The following CHST11 variants were observed in gnomAD, a reference collection of about 807,000 sequenced individuals.
The protein encoded by CHST11 is C4S-1.
A neutral mutation model predicts 30.4 loss-of-function variants in CHST11; 9 were observed. The ratio of observed to expected loss-of-function variants is 0.30; its 90% CI spans 0.18 to 0.52. The LOEUF (loss-of-function observed/expected upper bound fraction) is 0.52, where lower values mean the gene tolerates loss of function less well. CHST11 is among the 20% of genes least tolerant of loss of function. The pLI, the probability that CHST11 is intolerant of heterozygous loss-of-function variation, is 0.97. For synonymous variants in CHST11, 152 were observed against 187.8 expected (o/e 0.81, Z 1.56); for missense variants, 348 against 460.6 (o/e 0.76, Z 2.24).
chr12:104,739,123 C>G (rs1305137078), intron 2 of CHST11, among the ~76,000 whole-genome samples: 1 of 152,192 alleles, frequency 6.6e-6, no homozygotes, highest in Non-Finnish European at 1.5e-5. Flanking sequence ...CGGTGTGTGC[C>G]AGAGGAGCCC....
At chr12:104,632,462 A>G (rs2039279937) in intron 2 of CHST11, among the ~76,000 whole-genome samples, 1 of 152,204 alleles carries the variant, frequency 6.6e-6, no homozygotes, top group African/African-American at 2.4e-5. Flanking sequence ...TGCTAGATAC[A>G]AGAGGAGCCT....
intron 1 of CHST11, among the ~76,000 whole-genome samples, chr12:104,598,129 C>T (rs1303395085): frequency 2.6e-5 from 4 of 152,222 alleles, no homozygotes; most frequent in African/African-American, 9.7e-5. Context: ...TCAAACTTCC[C>T]TAATGCCACT....
intron 1 of CHST11, among the ~76,000 whole-genome samples, chr12:104,475,660 A>T (rs74241087): frequency 0.023 from 1,181 of 52,384 alleles, 36 homozygotes; most frequent in African/African-American, 0.1. Flanking sequence ...AAGCAGCATT[A>T]TATATATATA....
At chr12:104,679,551 T>G (rs994762003) in intron 2 of CHST11, among the ~76,000 whole-genome samples, 1 of 152,094 alleles carries the variant, frequency 6.6e-6, no homozygotes. Context: ...AGAGCCCTCA[T>G]GCGAAGTCAT....
intron 2 of CHST11, among the ~76,000 whole-genome samples, chr12:104,703,755 T>A (rs903251): frequency 0.087 from 13,197 of 152,292 alleles, 670 homozygotes; most frequent in Middle Eastern, 0.16. Context: ...ACCAGGCACA[T>A]GCTAAGCACA....
At chr12:104,640,856 C>T (rs1454242869) in intron 2 of CHST11, among the ~76,000 whole-genome samples, 1 of 152,158 alleles carries the variant, frequency 6.6e-6, no homozygotes, top group African/African-American at 2.4e-5. Flanking sequence ...AGCGAGGTCC[C>T]TACCCTCAAG....
chr12:104,733,888 G>A (rs1325997717), intron 2 of CHST11, among the ~76,000 whole-genome samples: 1 of 152,188 alleles, frequency 6.6e-6, no homozygotes, highest in Non-Finnish European at 1.5e-5. Context: ...AAAAGCCAGC[G>A]GGGGGCGCTT....
chr12:104,514,997 T>C (rs747195001), intron 1 of CHST11, among the ~76,000 whole-genome samples: 5 of 152,156 alleles, frequency 3.3e-5, no homozygotes, highest in African/African-American at 4.8e-5. Flanking sequence ...GTGAAAGGAC[T>C]CTGGGTCGTT....
intron 2 of CHST11, among the ~76,000 whole-genome samples, chr12:104,700,962 G>A (rs899718568): frequency 6.6e-5 from 10 of 152,124 alleles, no homozygotes; most frequent in Non-Finnish European, 2.9e-5. Context: ...ACAAAAATTA[G>A]CCAGGCATGG....
At chr12:104,554,705 C>A (rs1212635742) in intron 1 of CHST11, among the ~76,000 whole-genome samples, 1 of 152,174 alleles carries the variant, frequency 6.6e-6, no homozygotes, top group African/African-American at 2.4e-5. Context: ...ACTGAGATTT[C>A]TGTATATGAT....
At chr12:104,607,628 G>A (rs2039019326) in intron 2 of CHST11, among the ~76,000 whole-genome samples, 1 of 152,074 alleles carries the variant, frequency 6.6e-6, no homozygotes. Context: ...ATCACAGAAC[G>A]GGGAACATCA....
chr12:104,581,585 G>A (rs2038744616), intron 1 of CHST11, among the ~76,000 whole-genome samples: 1 of 152,218 alleles, frequency 6.6e-6, no homozygotes, highest in Admixed American at 6.5e-5. Context: ...TCTGGCCTCA[G>A]TGAGGGCTGA....
chr12:104,494,237 C>G (rs1464917070), intron 1 of CHST11, among the ~76,000 whole-genome samples: 1 of 152,196 alleles, frequency 6.6e-6, no homozygotes, highest in African/African-American at 2.4e-5. Flanking sequence ...TGAAGAGATG[C>G]CGTGCCGATG....
At chr12:104,522,173 G>A (rs923578169) in intron 1 of CHST11, among the ~76,000 whole-genome samples, 3 of 152,112 alleles carry the variant, frequency 2.0e-5, no homozygotes, top group Non-Finnish European at 2.9e-5. Flanking sequence ...CTTTTTCTCA[G>A]AAGGGGATTT....
intron 2 of CHST11, among the ~76,000 whole-genome samples, chr12:104,750,455 T>TTTTTTTTTTTTTTTG (rs1566064739): frequency 8.5e-6 from 1 of 117,468 alleles, no homozygotes; most frequent in Non-Finnish European, 1.8e-5. Context: ...TTTTTTTTTT[T>TTTTTTTTTTTTTTTG]TGTTGAGACT....
chr12:104,509,467 T>C (rs966662120), intron 1 of CHST11, among the ~76,000 whole-genome samples: 8 of 152,222 alleles, frequency 5.3e-5, no homozygotes, highest in African/African-American at 1.9e-4. Context: ...GTACAGTTTT[T>C]GAGTCTCCTG....
At chr12:104,642,854 A>G (rs966253544) in intron 2 of CHST11, among the ~76,000 whole-genome samples, 1 of 152,148 alleles carries the variant, frequency 6.6e-6, no homozygotes, top group African/African-American at 2.4e-5. Context: ...AAACAAGAAT[A>G]CTTTTTAAAA....
At chr12:104,525,448 A>C (rs116495917) in intron 1 of CHST11, among the ~76,000 whole-genome samples, 6 of 152,252 alleles carry the variant, frequency 3.9e-5, no homozygotes, top group Non-Finnish European at 4.4e-5. Flanking sequence ...AGGACAGGCC[A>C]TTAAAATTCA....
intron 1 of CHST11, among the ~76,000 whole-genome samples, chr12:104,524,073 T>G (rs1346551159): frequency 6.9e-6 from 1 of 144,500 alleles, no homozygotes; most frequent in Admixed American, 7.2e-5. Flanking sequence ...TCAATTGGAG[T>G]CATATAGTGC....
Sources: gnomAD v4.1 joint callset for allele counts (sites outside exome capture counted in the v4.1 genomes callset) on GRCh38, gnomAD v4.1.1 for gene constraint, MANE v1.5 for transcripts, NCBI Gene and HGNC (gene_info 2026-07-23, HGNC 2026-07-21) for gene names.